The following HDAC4 variants were observed in gnomAD, a reference collection of about 807,000 sequenced individuals.
HDAC4 encodes the protein histone deacetylase A.
A neutral mutation model predicts 135.1 loss-of-function variants in HDAC4; 16 were observed. That is an observed-to-expected ratio of 0.12 (90% CI 0.08 to 0.18). The LOEUF (loss-of-function observed/expected upper bound fraction) is 0.18. Ranked by LOEUF, HDAC4 falls within the 10% of genes least tolerant of loss-of-function variation. HDAC4 has a pLI of 1.00. For missense variants in HDAC4, 1,143 were observed against 1,511.8 expected, an observed-to-expected ratio of 0.76 and a Z score of 4.05; for synonymous variants, 685 against 653.4, an observed-to-expected ratio of 1.05 and a Z score of -0.74.
chr2:239,271,962 A>G (rs2050084263), intron 2 of HDAC4, among the ~76,000 whole-genome samples: 1 of 152,224 alleles, frequency 6.6e-6, no homozygotes, highest in Non-Finnish European at 1.5e-5. Flanking sequence ...GCCAGATTCC[A>G]ACAAACTCTG....
Position 239,081,696 on chromosome 2 carries a change from C to T in HDAC4, c.2652+406G>A, listed in dbSNP as rs571671141. 6.6e-5 allele frequency among the ~76,000 whole-genome samples: 10 copies of T among 152,322 alleles called. No individual in the cohort carries two copies. In the East Asian group the frequency reaches 1.4e-3, roughly 21 times the overall value. On this transcript the variant is annotated intron_variant, in intron 21 of 26. Coordinates refer to ENST00000543185, the MANE Select transcript of HDAC4 (RefSeq NM_001378414.1). ...GGGACCTGGGGCGTTGTCAAGGAGC[C>T]GCTGGGCCTGCCGTTCCTGGGGCCG... is the stretch of plus-strand genomic sequence containing the variant.
chr2:239,179,281 G>A (rs530098067), intron 4 of HDAC4, among the ~76,000 whole-genome samples: 1 of 152,336 alleles, frequency 6.6e-6, no homozygotes, highest in Admixed American at 6.5e-5. Context: ...TACGACAGGG[G>A]TCCCCACCTC....
intron 3 of HDAC4, among the ~76,000 whole-genome samples, chr2:239,212,752 G>A (rs969968657): frequency 2.6e-5 from 4 of 152,182 alleles, no homozygotes; most frequent in African/African-American, 7.2e-5. Context: ...AGCTGGGAGG[G>A]TCCTCTCTGG....
At chr2:239,081,348 C>T (rs549197229) in intron 21 of HDAC4, among the ~76,000 whole-genome samples, 156 bp from the exon 22 acceptor site, 36 of 152,344 alleles carry the variant, frequency 2.4e-4, no homozygotes, top group Middle Eastern at 3.4e-3. Flanking sequence ...TTCATTAAGA[C>T]GCGTGTGAAG....
At position 239,159,899 on chromosome 2, in the gene HDAC4, G is replaced by A. The variant is rs141248146; in HGVS notation, c.612-3126C>T. ...CCCCACGGGGCCCTGGGGCCAACCC[G>A]GATGCCACACCTAAAGGCAAACCTT... On this transcript the variant is annotated intron_variant, in intron 6 of 26. Transcript: ENST00000543185. Among the ~76,000 whole-genome samples, 1,069 of 152,402 alleles carry A rather than the reference G, an allele frequency of 7.0e-3. 11 individuals carry two copies. The highest frequency in any genetic ancestry group is 0.024 in the African/African-American group (1,009 of 41,600).
At chr2:239,335,188 A>T (rs2125837596) in intron 2 of HDAC4, among the ~76,000 whole-genome samples, 1 of 152,324 alleles carries the variant, frequency 6.6e-6, no homozygotes, top group East Asian at 1.9e-4. Context: ...ACAGATATGC[A>T]AACAGACCAA....
chr2:239,133,275 A>G (rs10201188), intron 11 of HDAC4, among the ~76,000 whole-genome samples: 17,939 of 152,220 alleles, frequency 0.12, 3,493 homozygotes, highest in African/African-American at 0.4. Context: ...AGCCCCACGC[A>G]TCCTGCAGCG....
chr2:239,130,065 T>C (rs964002536), intron 11 of HDAC4, among the ~76,000 whole-genome samples: 1 of 152,184 alleles, frequency 6.6e-6, no homozygotes, highest in African/African-American at 2.4e-5. Flanking sequence ...TCTGGTGTAT[T>C]CCATTGCTTT....
intron 2 of HDAC4, among the ~76,000 whole-genome samples, chr2:239,336,593 C>T (rs1457811044): frequency 6.6e-6 from 1 of 152,182 alleles, no homozygotes; most frequent in Non-Finnish European, 1.5e-5. Context: ...CATGAACAAA[C>T]ATTAAGCAAA....
chr2:239,183,707 G>A (rs994035869), intron 4 of HDAC4, among the ~76,000 whole-genome samples: 2 of 152,130 alleles, frequency 1.3e-5, no homozygotes, highest in African/African-American at 2.4e-5. Context: ...GTGTGCTCCT[G>A]CCCCCTGCCT....
chr2:239,210,160 A>C (rs1214011257), intron 3 of HDAC4, among the ~76,000 whole-genome samples: 2 of 152,338 alleles, frequency 1.3e-5, no homozygotes, highest in Admixed American at 1.3e-4. Flanking sequence ...GATATTCATT[A>C]TAGCAGCATT....
chr2:239,177,402 A>G (rs75898663), intron 4 of HDAC4, among the ~76,000 whole-genome samples: 2,601 of 152,326 alleles, frequency 0.017, 29 homozygotes, highest in Non-Finnish European at 0.026. Flanking sequence ...TGGAGGGCTG[A>G]CTATATTCAC....
rs1028725983 is a variant in HDAC4, at chr2:239,285,654, A to G, written c.23-48990T>C. On this transcript the variant is annotated intron_variant, in intron 2 of 26. Coordinates refer to ENST00000543185, the MANE Select transcript of HDAC4 (RefSeq NM_001378414.1). The surrounding 1 kb of genome is among the most constrained non-coding windows in gnomAD (Gnocchi z 4.5). The stretch of plus-strand genomic sequence containing the variant: ...TCTTACAGGCTCTTGTGCTGTGGAA[A>G]CCCCAGGTTCTGCATAAGACATACC... 6.6e-6 allele frequency among the ~76,000 whole-genome samples: 1 copy of G among 151,504 alleles called. No individual in the cohort carries two copies. Among genetic ancestry groups the G allele is most frequent in the African/African-American group, 2.4e-5 (1 of 41,160 alleles).
At chr2:239,190,184 G>GGGGC in intron 3 of HDAC4, 107 bp from the exon 4 acceptor site, 1 of 1,245,016 alleles carries the variant, frequency 8.0e-7, no homozygotes, top group African/African-American at 1.6e-5. Context: ...CGGGGGGGGG[G>GGGGC]TTGTGACCAT....
At chr2:239,390,298 G>A (rs1004530203) in intron 1 of HDAC4, among the ~76,000 whole-genome samples, 5 of 152,148 alleles carry the variant, frequency 3.3e-5, no homozygotes, top group South Asian at 2.1e-4. Flanking sequence ...TTGGTAAGCC[G>A]AGGTGGGCAG....
At chr2:239,259,451 AAAC>A (rs2049225067) in intron 2 of HDAC4, among the ~76,000 whole-genome samples, 3 of 151,708 alleles carry the variant, frequency 2.0e-5, no homozygotes, top group African/African-American at 4.9e-5. Context: ...CTCAAAAACA[AAAC>A]AACAACAAAA....
intron 13 of HDAC4, 87 bp downstream of exon 13, chr2:239,114,966 C>G (rs2039001734): frequency 6.6e-7 from 1 of 1,507,182 alleles, no homozygotes; most frequent in Non-Finnish European, 9.0e-7. Flanking sequence ...GCCCTGCAGC[C>G]CCCGTGATCA....
intron 5 of HDAC4, among the ~76,000 whole-genome samples, chr2:239,169,778 C>G (rs1212783523): frequency 6.6e-6 from 1 of 152,140 alleles, no homozygotes; most frequent in African/African-American, 2.4e-5. Flanking sequence ...CTCCTCAAGG[C>G]CTCTGCAGCC....
At chr2:239,054,919 C>T (rs1404674071) in intron 24 of HDAC4, 86 bp from the exon 25 acceptor site, 18 of 942,458 alleles carry the variant, frequency 1.9e-5, no homozygotes, top group Non-Finnish European at 2.8e-5. Flanking sequence ...CAACTGTTTC[C>T]TGAGCACAGA....
Sources: allele counts gnomAD v4.1 joint callset (sites outside exome capture counted in the v4.1 genomes callset), GRCh38; gene constraint gnomAD v4.1.1; non-coding constraint Gnocchi (gnomAD v3.1); transcripts MANE v1.5; gene names NCBI Gene and HGNC (gene_info 2026-07-23, HGNC 2026-07-21).